FHAD1: variants seen among roughly 807,000 people sequenced by gnomAD.
FHAD1 encodes forkhead-associated domain-containing protein 1.
FHAD1 carries 146 observed loss-of-function variants against 191.3 expected under a neutral mutation model. The observed-to-expected ratio is 0.76, with a 90% CI of 0.67 to 0.88. FHAD1 has a LOEUF of 0.88. Ranked by LOEUF, FHAD1 falls within the 40% of genes least tolerant of loss-of-function variation. The pLI is 0.00. For synonymous variants in FHAD1, 616 were observed against 672.3 expected (o/e 0.92, Z 1.29); for missense variants, 1,635 against 1,785.8 (o/e 0.92, Z 1.52).
chr1:15,285,726 C>T (rs372339976), intron 3 of FHAD1, among the ~76,000 whole-genome samples: 3 of 152,244 alleles, frequency 2.0e-5, no homozygotes, highest in Non-Finnish European at 2.9e-5. Flanking sequence ...CAGGGTGCAA[C>T]GCGAGCCAGG....
At chr1:15,382,225 C>G in intron 31 of FHAD1, 32 bp downstream of exon 31, 4 of 1,545,072 alleles carry the variant, frequency 2.6e-6, no homozygotes, top group Non-Finnish European at 3.5e-6. Context: ...CAGAACCTCC[C>G]AGGCTGCCCT....
intron 32 of FHAD1, among the ~76,000 whole-genome samples, chr1:15,389,065 T>C (rs1703105476): frequency 6.6e-6 from 1 of 152,168 alleles, no homozygotes; most frequent in Non-Finnish European, 1.5e-5. Context: ...CCTGGAGCCC[T>C]TGTGCCCCGT....
chr1:15,374,907 G>T, intron 27 of FHAD1, among the ~76,000 whole-genome samples: 1 of 140,976 alleles, frequency 7.1e-6, no homozygotes, highest in African/African-American at 2.7e-5. Flanking sequence ...CACCCAGCCT[G>T]GAGTGCAGTG....
chr1:15,305,760 T>A, intron 6 of FHAD1: 1 of 449,084 alleles, frequency 2.2e-6, no homozygotes, highest in Non-Finnish European at 4.5e-6. Context: ...GCCGCCGCCA[T>A]GTAAGAAGTG....
At chr1:15,370,700 C>G (rs1697818712) in intron 26 of FHAD1, among the ~76,000 whole-genome samples, 1 of 152,196 alleles carries the variant, frequency 6.6e-6, no homozygotes, top group African/African-American at 2.4e-5. Flanking sequence ...TGCTCACACT[C>G]TGTCCCTATG....
At chr1:15,330,485 T>TG (rs1290797090) in intron 14 of FHAD1, among the ~76,000 whole-genome samples, 1 of 152,080 alleles carries the variant, frequency 6.6e-6, no homozygotes, top group Non-Finnish European at 1.5e-5. Context: ...AATAAAATAC[T>TG]GGGGAAAAAA....
intron 1 of FHAD1, among the ~76,000 whole-genome samples, chr1:15,238,685 A>C (rs1322146959): frequency 1.3e-5 from 2 of 152,188 alleles, no homozygotes; most frequent in Admixed American, 1.3e-4. Flanking sequence ...CTCCTTCCCC[A>C]GGCCCAACTG....
chr1:15,272,248 G>T, intron 2 of FHAD1, 75 bp from the exon 3 acceptor site: 1 of 1,351,874 alleles, frequency 7.4e-7, no homozygotes, highest in Non-Finnish European at 1.0e-6. Flanking sequence ...AACAGGTAAG[G>T]CACTCAGCTC....
At position 15,289,404 on chromosome 1, in the gene FHAD1, T is replaced by C. The variant is rs1289831847; in HGVS notation, c.306T>C (p.Ser102=). 15 of 1,551,604 alleles carry C rather than the reference T, an allele frequency of 9.7e-6. No individual in the cohort carries two copies. Among genetic ancestry groups the C allele is most frequent in the African/African-American group, 2.7e-5 (2 of 73,188 alleles). The change falls in exon 4 of 34, where the codon TCT becomes TCC. Residue 102 remains serine, a synonymous_variant. Coordinates refer to ENST00000688493, the MANE Select transcript of FHAD1 (RefSeq NM_001391957.1). This position sits in a 1 kb window ranked among gnomAD's most constrained non-coding sequence, Gnocchi z 4.2. Reference sequence around the variant, plus strand: ...ACCCTTGTCTGCCCCTGCAGGTCTCTTTCCCATGGATGAGGGGCCCAGCAC... The same window carrying C: ...ACCCTTGTCTGCCCCTGCAGGTCTCCTTCCCATGGATGAGGGGCCCAGCAC... ...ELVIENPPPV[S]FPWMRGPAPW... is the part of the protein sequence containing the mutation.
At chr1:15,249,183 C>T (rs1299006269) in intron 1 of FHAD1, among the ~76,000 whole-genome samples, 3 of 152,002 alleles carry the variant, frequency 2.0e-5, no homozygotes, top group African/African-American at 7.3e-5. Flanking sequence ...GGAGCCACAG[C>T]AGTGACACAT....
intron 25 of FHAD1, among the ~76,000 whole-genome samples, chr1:15,368,632 C>T (rs1697210508): frequency 6.6e-6 from 1 of 152,190 alleles, no homozygotes. Context: ...CCAGACCTGG[C>T]TGCCTGGTTT....
intron 33 of FHAD1, among the ~76,000 whole-genome samples, chr1:15,395,735 A>T (rs1705728823): frequency 6.6e-6 from 1 of 152,228 alleles, no homozygotes; most frequent in Non-Finnish European, 1.5e-5. Flanking sequence ...CCCGCAGCCC[A>T]GGACAGCTTT....
intron 2 of FHAD1, among the ~76,000 whole-genome samples, chr1:15,261,890 T>C (rs7529980): frequency 0.75 from 114,222 of 152,066 alleles, 44,424 homozygotes; most frequent in East Asian, 1. Context: ...CCCAGGCACT[T>C]GGGTGGCTGA....
chr1:15,374,475 A>G, intron 26 of FHAD1, 27 bp from the exon 27 acceptor site: 1 of 1,551,062 alleles, frequency 6.4e-7, no homozygotes, highest in African/African-American at 1.4e-5. Flanking sequence ...CCCTGATCAA[A>G]TGCTGCCCGC....
intron 23 of FHAD1, 124 bp from the exon 24 acceptor site, chr1:15,365,703 G>T: frequency 6.7e-6 from 4 of 592,668 alleles, no homozygotes; most frequent in Non-Finnish European, 1.2e-5. Flanking sequence ...ATCCTTTGCT[G>T]GGACTGGCGT....
In FHAD1 at chr1:15,329,967, A is replaced by G. The variant is rs1680540359; in HGVS notation, c.1906+426A>G. 1 of 164,492 alleles carries G rather than the reference A, an allele frequency of 6.1e-6. No homozygotes were observed. Among genetic ancestry groups the G allele is most frequent in the Non-Finnish European group, 1.3e-5 (1 of 75,192 alleles). 10.2% of individuals were successfully genotyped at this position (164,492 alleles called of 1,614,324 possible). ...GTTGTGATCATTAAAATGCATGAAT[A>G]TATGGAAAGTACTTGGAATAGTACC... is the stretch of plus-strand genomic sequence containing the variant. On this transcript the variant is annotated intron_variant, in intron 14 of 33. Transcript: ENST00000688493. The surrounding 1 kb of genome is among the most constrained non-coding windows in gnomAD (Gnocchi z 5.0).
intron 19 of FHAD1, among the ~76,000 whole-genome samples, chr1:15,351,674 G>A (rs563155625): frequency 1.2e-4 from 18 of 152,310 alleles, no homozygotes; most frequent in African/African-American, 4.1e-4. Context: ...CATAATAAGA[G>A]AAGGGAAAGA....
At chr1:15,349,814 G>C (rs927320664) in intron 19 of FHAD1, among the ~76,000 whole-genome samples, 4 of 152,180 alleles carry the variant, frequency 2.6e-5, no homozygotes, top group African/African-American at 9.7e-5. Context: ...GGAGGGGTCA[G>C]AGCTGGAGAC....
chr1:15,321,232 G>A (rs776512873), intron 10 of FHAD1, among the ~76,000 whole-genome samples: 5 of 152,284 alleles, frequency 3.3e-5, no homozygotes, highest in Admixed American at 1.3e-4. Context: ...ATGCCTGGGC[G>A]AGTTGACAGT....
Sources: allele counts gnomAD v4.1 joint callset (sites outside exome capture counted in the v4.1 genomes callset), GRCh38; gene constraint gnomAD v4.1.1; non-coding constraint Gnocchi (gnomAD v3.1); transcripts MANE v1.5; gene names NCBI Gene and HGNC (gene_info 2026-07-23, HGNC 2026-07-21).